The following HADHA variants were observed in gnomAD, a reference collection of about 807,000 sequenced individuals.
HADHA encodes trifunctional enzyme subunit alpha, mitochondrial.
HADHA carries 59 observed loss-of-function variants against 91.3 expected under a neutral mutation model. The observed-to-expected ratio is 0.65, with a 90% CI of 0.52 to 0.80. The LOEUF (loss-of-function observed/expected upper bound fraction) is 0.80. Among genes scored for constraint, HADHA ranks in the 30% least tolerant of loss-of-function variants. HADHA has a pLI of 0.00. For synonymous variants in HADHA, 320 were observed against 338.9 expected, an observed-to-expected ratio of 0.94 and a Z score of 0.61; for missense variants, 800 against 927.6, an observed-to-expected ratio of 0.86 and a Z score of 1.79.
chr2:26,201,961 ATTTTTTT>A lies in HADHA; in HGVS notation c.1221-648_1221-642del, dbSNP rs36063094. Among the ~76,000 whole-genome samples, 163 of 137,200 alleles carry A rather than the reference ATTTTTTT, an allele frequency of 1.2e-3. 4 individuals are homozygous for A. The highest frequency in any genetic ancestry group is 3.1e-4 in the Non-Finnish European group (20 of 63,634). 90.0% of individuals were successfully genotyped at this position (137,200 alleles called of 152,430 possible). On this transcript the variant is annotated intron_variant, in intron 12 of 19. Coordinates refer to ENST00000380649, the MANE Select transcript of HADHA (RefSeq NM_000182.5). ...AGGCGCCCACCACCACGCCTGGCTA[ATTTTTTT>A]TTTTTTTTTTTTAGTAGAGATGGGG...
At position 26,214,600 on chromosome 2, in the gene HADHA, G is replaced by T; in HGVS notation, c.800-39C>A. On this transcript the variant is annotated intron_variant, in intron 8 of 19. Transcript: ENST00000380649. The surrounding 1 kb of genome is among the most constrained non-coding windows in gnomAD (Gnocchi z 4.1). ...TGCTTTTAGATATTTACTATAAAGA[G>T]CCTAGATTCCCTTGTTAGTTTATGC... 1 of 1,048,436 alleles carries T rather than the reference G, an allele frequency of 9.5e-7. No individual in the cohort carries two copies. The highest frequency in any genetic ancestry group is 1.5e-6 in the Non-Finnish European group (1 of 664,598). The allele number at this position is 1,048,436 out of a possible 1,614,324, so 64.9% of individuals were successfully genotyped here. A position where few individuals can be genotyped will look rare whatever the true frequency, so the allele number is the denominator to read the frequency against.
intron 12 of HADHA, among the ~76,000 whole-genome samples, chr2:26,201,638 A>G (rs1669837684): frequency 6.6e-6 from 1 of 152,246 alleles, no homozygotes; most frequent in Admixed American, 6.5e-5. Context: ...AGAGGAGTAA[A>G]TAACATGAAT....
At chr2:26,237,069 T>C in intron 3 of HADHA, 81 bp from the exon 4 acceptor site, 1 of 969,834 alleles carries the variant, frequency 1.0e-6, no homozygotes, top group Non-Finnish European at 1.7e-6. Flanking sequence ...GCTATTTTGA[T>C]TATAAGAAAT....
chr2:26,236,380 CTGTGTGTGTGTGTGTGTGTG>C (rs201544302), intron 4 of HADHA, among the ~76,000 whole-genome samples: 3 of 111,086 alleles, frequency 2.7e-5, no homozygotes, highest in Admixed American at 1.0e-4. Context: ...TATATATACT[CTGTGTGTGTGTGTGTGTGTG>C]TGTGTGTGTG....
At chr2:26,200,821 C>T (rs1410489530) in intron 13 of HADHA, among the ~76,000 whole-genome samples, 1 of 151,728 alleles carries the variant, frequency 6.6e-6, no homozygotes, top group African/African-American at 2.4e-5. Flanking sequence ...CAACCTCTGC[C>T]TCCCAGGTTC....
chr2:26,232,131 T>G (rs745338379), intron 6 of HADHA, 29 bp downstream of exon 6: 1 of 1,563,178 alleles, frequency 6.4e-7, no homozygotes, highest in East Asian at 2.2e-5. Context: ...AGAGGGCATA[T>G]AGCTTCACAA....
chr2:26,224,701 T>G (rs573766416), intron 7 of HADHA, among the ~76,000 whole-genome samples: 19 of 152,344 alleles, frequency 1.2e-4, no homozygotes, highest in African/African-American at 4.6e-4. Flanking sequence ...TCATTGCCTT[T>G]ATTTGAAGAC....
chr2:26,241,627 G>T (rs1385312406), intron 1 of HADHA, among the ~76,000 whole-genome samples: 1 of 151,822 alleles, frequency 6.6e-6, no homozygotes, highest in African/African-American at 2.4e-5. Flanking sequence ...CTCCAGGCTG[G>T]GTGACACAGT....
At chr2:26,218,339 G>A (rs895230362) in intron 7 of HADHA, among the ~76,000 whole-genome samples, 9 of 151,350 alleles carry the variant, frequency 5.9e-5, no homozygotes, top group African/African-American at 2.2e-4. Flanking sequence ...TAGCAATCTA[G>A]GAAAAATATG....
chr2:26,222,530 A>G (rs879623571), intron 7 of HADHA, among the ~76,000 whole-genome samples: 9 of 152,168 alleles, frequency 5.9e-5, no homozygotes, highest in Non-Finnish European at 1.2e-4. Context: ...CGTTCTATGG[A>G]TAGCAGTCAG....
At chr2:26,237,500 G>A (rs1670790745) in intron 3 of HADHA, among the ~76,000 whole-genome samples, 3 of 152,094 alleles carry the variant, frequency 2.0e-5, no homozygotes, top group South Asian at 2.1e-4. Context: ...GACAGCACAC[G>A]CCTATAGTCC....
At chr2:26,201,375 G>T in intron 12 of HADHA, 55 bp from the exon 13 acceptor site, 1 of 1,210,994 alleles carries the variant, frequency 8.3e-7, no homozygotes, top group Non-Finnish European at 1.2e-6. Context: ...AACGTTTATT[G>T]AATGTCCATG....
At chr2:26,226,464 G>A (rs1670487768) in intron 7 of HADHA, among the ~76,000 whole-genome samples, 1 of 152,150 alleles carries the variant, frequency 6.6e-6, no homozygotes. Context: ...TGTGGTATTG[G>A]TTTAACAAAA....
In HADHA at chr2:26,244,580, G is replaced by A. The variant is rs530465201; in HGVS notation, c.17C>T (p.Ala6Val). Residue 6 changes from alanine to valine, a missense_variant, in exon 1 of 20, where the codon GCG becomes GTG. Ala to Val is a moderately conservative substitution (Grantham distance 64). Coordinates refer to ENST00000380649, the MANE Select transcript of HADHA (RefSeq NM_000182.5). ...AGAAAAGCGGCTGAGGATGCCAATC[G>A]CCCGGCAGGCCACCATCTTGAGCTG... Reference protein sequence around the residue: MVACRAIGILSRFSAF... With the variant: MVACRVIGILSRFSAF... The A allele has an allele frequency of 4.3e-5, 68 of 1,585,184 alleles. No individual in the cohort carries two copies. In the East Asian group the frequency reaches 1.5e-3, roughly 36 times the overall value.
chr2:26,205,342 T>C (rs1027010514), intron 11 of HADHA, among the ~76,000 whole-genome samples: 1 of 152,222 alleles, frequency 6.6e-6, no homozygotes, highest in African/African-American at 2.4e-5. Flanking sequence ...AAAATCATAC[T>C]AAAGTCCTGA....
intron 10 of HADHA, chr2:26,212,273 G>T (rs1670119514): frequency 2.6e-6 from 1 of 390,004 alleles, no homozygotes; most frequent in Non-Finnish European, 4.9e-6. Context: ...TTTTTGTAAA[G>T]ATGGGGTTTT....
rs375862794 is a variant in HADHA at position 26,242,027 on chromosome 2, G to A, written c.67+2503C>T. Among the ~76,000 whole-genome samples, 70 of 151,608 alleles carry A rather than the reference G, an allele frequency of 4.6e-4. 2 individuals carry two copies. The South Asian group carries it at 0.014, about 30-fold the overall frequency. ...AGCGATTCTCCCACCTCAGCCTCCC[G>A]AGTAGTTGGGATTACAGACGTGTGC... On this transcript the variant is annotated intron_variant, in intron 1 of 19. Transcript: ENST00000380649.
chr2:26,212,874 C>T (rs774419007), intron 9 of HADHA, among the ~76,000 whole-genome samples: 4 of 152,118 alleles, frequency 2.6e-5, no homozygotes, highest in Admixed American at 2.0e-4. Context: ...ATTACTCTTC[C>T]GGCTTCTCTC....
rs573482575 is a variant in HADHA at position 26,222,303 on chromosome 2, C to T, written c.677-7128G>A. On this transcript the variant is annotated intron_variant, in intron 7 of 19. Coordinates refer to ENST00000380649, the MANE Select transcript of HADHA (RefSeq NM_000182.5). ...CTTAGACTTCCAGTTTCCAGAAATG[C>T]GAGAAAACATGTTAAGTTTCTGTTG... is the stretch of plus-strand genomic sequence containing the variant. Among the ~76,000 whole-genome samples, 8 of 152,254 alleles carry T rather than the reference C, an allele frequency of 5.3e-5. No individual in the cohort carries two copies. In the East Asian group the frequency reaches 5.8e-4, roughly 11 times the overall value.
Sources: gnomAD v4.1 joint callset for allele counts (sites outside exome capture counted in the v4.1 genomes callset) on GRCh38, gnomAD v4.1.1 for gene constraint, Gnocchi (gnomAD v3.1) non-coding constraint, MANE v1.5 for transcripts, NCBI Gene and HGNC (gene_info 2026-07-23, HGNC 2026-07-21) for gene names.